BZW1: variants seen among roughly 807,000 people sequenced by gnomAD.
The protein encoded by BZW1 is basic leucine zipper and W2 domains 1, also known as eIF5-mimic protein 2.
In BZW1, 3 loss-of-function variants were observed where a neutral mutation model predicts 54.1. The observed-to-expected ratio is 0.06, with a 90% CI of 0.03 to 0.14. The LOEUF (loss-of-function observed/expected upper bound fraction) is 0.14. Ranked by LOEUF, BZW1 falls within the 10% of genes least tolerant of loss-of-function variation. The pLI is 1.00. For missense variants in BZW1, 206 were observed against 491.7 expected, an observed-to-expected ratio of 0.42 and a Z score of 5.50; for synonymous variants, 152 against 162.7, an observed-to-expected ratio of 0.93 and a Z score of 0.50.
chr2:200,823,434 A>G lies in BZW1; in HGVS notation c.*1256A>G, dbSNP rs1174029503. 1.3e-5 allele frequency: 2 copies of G among 149,968 alleles called. No individual in the cohort carries two copies. Among genetic ancestry groups the G allele is most frequent in the Non-Finnish European group, 3.0e-5 (2 of 66,932 alleles). The allele number at this position is 149,968 out of a possible 1,614,324, so 9.3% of individuals were successfully genotyped here. ...CTATGTATGTAGTCATTGGGGGGAA[A>G]ATGTAGCCACATTTTTTATGGGAAG... On this transcript the variant is annotated 3_prime_UTR_variant, in exon 12 of 12. Transcript: ENST00000409600.
At chr2:200,814,859 G>A (rs1351920784) in intron 2 of BZW1, among the ~76,000 whole-genome samples, 1 of 152,210 alleles carries the variant, frequency 6.6e-6, no homozygotes, top group Non-Finnish European at 1.5e-5. Flanking sequence ...CAGGATTAAA[G>A]CAAATGCTTA....
intron 1 of BZW1, 100 bp downstream of exon 1, chr2:200,812,090 A>C: frequency 1.8e-6 from 1 of 568,642 alleles, no homozygotes. Context: ...CCCGGCTTGG[A>C]TGGGCCCGAA....
intron 1 of BZW1, chr2:200,812,690 G>A (rs2038122959): frequency 1.0e-6 from 1 of 982,860 alleles, no homozygotes; most frequent in African/African-American, 1.6e-5. Flanking sequence ...TTGCAGGCCT[G>A]AGTGGTGCAA....
At chr2:200,818,724 C>T (rs755832446) in intron 8 of BZW1, 31 bp from the exon 9 acceptor site, 3 of 1,568,008 alleles carry the variant, frequency 1.9e-6, no homozygotes, top group South Asian at 2.4e-5. Flanking sequence ...TCAAAACTGA[C>T]TTCTGTTACT....
Position 200,822,258 on chromosome 2 carries a change from C to T in BZW1, c.*80C>T. The T allele has an allele frequency of 8.2e-7, 1 of 1,216,686 alleles. No individual in the cohort carries two copies. The highest frequency in any genetic ancestry group is 1.3e-5 in the South Asian group (1 of 77,058). The allele number at this position is 1,216,686 out of a possible 1,614,324, so 75.4% of individuals were successfully genotyped here. A position where few individuals can be genotyped will look rare whatever the true frequency, so the allele number is the denominator to read the frequency against. ...GTCTCATGTGTCCTGGTTCTTACAT[C>T]TTCCTACCTCCCTGTATCAAGCATG... On this transcript the variant is annotated 3_prime_UTR_variant, in exon 12 of 12. Coordinates refer to ENST00000409600, the MANE Select transcript of BZW1 (RefSeq NM_001207067.2).
Position 200,822,123 on chromosome 2 carries a change from G to T in BZW1, c.1229-24G>T, listed in dbSNP as rs1284916621. 41 of 1,594,654 alleles carry T rather than the reference G, an allele frequency of 2.6e-5. No individual in the cohort carries two copies. In the Admixed American group the frequency reaches 6.8e-4, roughly 26 times the overall value. The stretch of plus-strand genomic sequence containing the variant: ...TTTTGCCTTCTGATACATAATGTTT[G>T]ACTGTTTTTTTCCCCTTTTCTAGAA... On this transcript the variant is annotated intron_variant, in intron 11 of 11. Transcript: ENST00000409600.
chr2:200,825,628 CAG>C lies in BZW1; in HGVS notation c.*3452_*3453del, dbSNP rs1442019610. ...TTCCTGCTGTCTTTCAAGGTCTTAA[CAG>C]ATTCTTTCTTGATTATAAATGTATT... On this transcript the variant is annotated 3_prime_UTR_variant, in exon 12 of 12. Transcript: ENST00000409600. 2.0e-5 allele frequency: 3 copies of C among 152,324 alleles called. No individual in the cohort carries two copies. Among genetic ancestry groups the C allele is most frequent in the African/African-American group, 7.2e-5 (3 of 41,580 alleles). 9.4% of individuals were successfully genotyped at this position (152,324 alleles called of 1,614,324 possible).
In BZW1 at chr2:200,822,114, A is replaced by G. The variant is rs1380912301; in HGVS notation, c.1229-33A>G. ...AATGGGAACTTTTGCCTTCTGATAC[A>G]TAATGTTTGACTGTTTTTTTCCCCT... On this transcript the variant is annotated intron_variant, in intron 11 of 11. Coordinates refer to ENST00000409600, the MANE Select transcript of BZW1 (RefSeq NM_001207067.2). 6 of 1,584,188 alleles carry G rather than the reference A, an allele frequency of 3.8e-6. No homozygotes were observed. In the African/African-American group the frequency reaches 6.7e-5, roughly 18 times the overall value.
chr2:200,816,410 TTG>T lies in BZW1; in HGVS notation c.402+23_402+24del. The T allele has an allele frequency of 6.7e-7, 1 of 1,502,642 alleles. No individual in the cohort carries two copies. The highest frequency in any genetic ancestry group is 9.1e-7 in the Non-Finnish European group (1 of 1,100,698). 93.1% of individuals were successfully genotyped at this position (1,502,642 alleles called of 1,614,324 possible). ...AAAAAGGTATGAGTAATAATGTACT[TTG>T]TGGAAAAGAAAAAAATAGGGTTAGA... is the stretch of plus-strand genomic sequence containing the variant. On this transcript the variant is annotated intron_variant, in intron 5 of 11. Coordinates refer to ENST00000409600, the MANE Select transcript of BZW1 (RefSeq NM_001207067.2).
At chr2:200,813,635 TA>T (rs1290584121) in intron 2 of BZW1, among the ~76,000 whole-genome samples, 1 of 152,248 alleles carries the variant, frequency 6.6e-6, no homozygotes, top group African/African-American at 2.4e-5. Flanking sequence ...GGAGAACTCC[TA>T]ATGTAGTCAC....
intron 1 of BZW1, chr2:200,812,582 C>A: frequency 7.1e-7 from 1 of 1,402,260 alleles, no homozygotes. Flanking sequence ...GTGGCTCGGG[C>A]GGGAGGCATG....
At chr2:200,812,206 G>C in intron 1 of BZW1, 1 of 1,224,938 alleles carries the variant, frequency 8.2e-7, no homozygotes, top group Non-Finnish European at 1.0e-6. Flanking sequence ...GTGGGGTCCG[G>C]GTGTGCGCCG....
intron 2 of BZW1, among the ~76,000 whole-genome samples, chr2:200,814,879 C>T (rs2038229817): frequency 6.6e-6 from 1 of 152,228 alleles, no homozygotes; most frequent in African/African-American, 2.4e-5. Context: ...AATATAGTTT[C>T]TGTCATTGGG....
At chr2:200,818,180 A>T in intron 7 of BZW1, 43 bp from the exon 8 acceptor site, 1 of 1,518,950 alleles carries the variant, frequency 6.6e-7, no homozygotes, top group Non-Finnish European at 8.8e-7. Flanking sequence ...GTTTTTCTTA[A>T]TCTGATTTAA....
intron 1 of BZW1, chr2:200,812,847 T>C (rs574622372): frequency 1.5e-5 from 10 of 661,384 alleles, no homozygotes; most frequent in Non-Finnish European, 2.9e-5. Context: ...GGTGATAATC[T>C]CTCTTTGCGT....
rs1325421808 is a variant in BZW1 at position 200,824,581 on chromosome 2, G to A, written c.*2403G>A. On this transcript the variant is annotated 3_prime_UTR_variant, in exon 12 of 12. Coordinates refer to ENST00000409600, the MANE Select transcript of BZW1 (RefSeq NM_001207067.2). ...GGATATTTTGAAATAGCATATTTTA[G>A]TTAGGGGAAATGCATGTGACCAAGA... 6.7e-6 allele frequency: 1 copy of A among 149,934 alleles called. No homozygotes were observed. The highest frequency in any genetic ancestry group is 2.1e-4 in the South Asian group (1 of 4,790). The allele number at this position is 149,934 out of a possible 1,614,324, so 9.3% of individuals were successfully genotyped here.
intron 1 of BZW1, 132 bp from the exon 2 acceptor site, chr2:200,813,076 A>C: frequency 1.3e-6 from 1 of 741,564 alleles, no homozygotes; most frequent in South Asian, 1.5e-5. Flanking sequence ...TGTATCGGGT[A>C]TAATTGCCAG....
rs1285602376 is a variant in BZW1 at position 200,826,395 on chromosome 2, AGATAGATAGATATTTTTTTTTTT to A, written c.*4218_*4240del. 2.2e-4 allele frequency: 19 copies of A among 85,372 alleles called. No homozygotes were observed. Among genetic ancestry groups the A allele is most frequent in the African/African-American group, 6.8e-4 (16 of 23,372 alleles). The allele number at this position is 85,372 out of a possible 1,614,324, so 5.3% of individuals were successfully genotyped here. A position where few individuals can be genotyped will look rare whatever the true frequency, so the allele number is the denominator to read the frequency against. The stretch of plus-strand genomic sequence containing the variant: ...GATATAGATAGATAGATAGATAGAT[AGATAGATAGATATTTTTTTTTTT>A]TTTTTTTTTTTTTTTTTTTTTTTTG... On this transcript the variant is annotated 3_prime_UTR_variant, in exon 12 of 12. Transcript: ENST00000409600.
chr2:200,826,406 T>TAGATAG lies in BZW1; in HGVS notation c.*4229_*4230insGATAGA, dbSNP rs1213367033. ...ATAGATAGATAGATAGATAGATAGA[T>TAGATAG]ATTTTTTTTTTTTTTTTTTTTTTTT... On this transcript the variant is annotated 3_prime_UTR_variant, in exon 12 of 12. Transcript: ENST00000409600. The TAGATAG allele has an allele frequency of 2.6e-4, 18 of 68,060 alleles. No individual in the cohort carries two copies. The highest frequency in any genetic ancestry group is 8.4e-4 in the South Asian group (2 of 2,368). The allele number at this position is 68,060 out of a possible 1,614,324, so 4.2% of individuals were successfully genotyped here.
Sources: allele counts gnomAD v4.1 joint callset (sites outside exome capture counted in the v4.1 genomes callset), GRCh38; gene constraint gnomAD v4.1.1; transcripts MANE v1.5; gene names NCBI Gene and HGNC (gene_info 2026-07-23, HGNC 2026-07-21).